PDE6B: variants seen among roughly 807,000 people sequenced by gnomAD.
The protein encoded by PDE6B is rod cGMP-specific 3',5'-cyclic phosphodiesterase subunit beta.
A neutral mutation model predicts 109.0 loss-of-function variants in PDE6B; 106 were observed. That is an observed-to-expected ratio of 0.97 (90% CI 0.83 to 1.14). PDE6B has a LOEUF of 1.14. PDE6B is among the 50% of genes most tolerant of loss of function. PDE6B has a pLI of 0.00. For synonymous variants in PDE6B, 490 were observed against 471.3 expected (o/e 1.04, Z -0.51); for missense variants, 1,193 against 1,155.6 (o/e 1.03, Z -0.47).
intron 3 of PDE6B, among the ~76,000 whole-genome samples, chr4:637,842 T>C (rs999530841): frequency 2.6e-5 from 4 of 152,238 alleles, no homozygotes; most frequent in African/African-American, 9.6e-5. Context: ...TTCTGGCTTC[T>C]TCCTCTTGCT....
rs746786132 is a variant in PDE6B, at chr4:654,173, G to C, written c.927+19G>C. On this transcript the variant is annotated intron_variant, in intron 5 of 21. Transcript: ENST00000496514. ...TGGCCGGGTGAGTCTTAGGGGAGGG[G>C]CCCAGGGCCTGTCCACACGCCTCTG... 4 of 1,605,044 alleles carry C rather than the reference G, an allele frequency of 2.5e-6. No homozygotes were observed. The South Asian group carries it at 3.3e-5, about 13-fold the overall frequency.
intron 1 of PDE6B, among the ~76,000 whole-genome samples, chr4:627,359 T>C (rs1485817352): frequency 6.6e-6 from 1 of 152,168 alleles, no homozygotes; most frequent in Non-Finnish European, 1.5e-5. Flanking sequence ...TTGGTCAGGC[T>C]GTTCTCGAAC....
chr4:651,478 AGACT>A (rs1735546654), intron 3 of PDE6B: 1 of 152,964 alleles, frequency 6.5e-6, no homozygotes, highest in Admixed American at 6.5e-5. Flanking sequence ...GGCAGGAGAC[AGACT>A]GAGTGTGGGA....
rs530695084 is a variant in PDE6B, at chr4:634,672, G to C, written c.469-5G>C. The C allele has an allele frequency of 6.2e-7, 1 of 1,611,594 alleles. No homozygotes were observed. Among genetic ancestry groups the C allele is most frequent in the South Asian group, 1.1e-5 (1 of 91,020 alleles). ...CTCTTTAGCCTCTTTCCTCTCTTGC[G>C]GCAGTGCCCTCACTTCAGCTCATTT... On this transcript the variant is annotated splice_polypyrimidine_tract_variant and splice_region_variant and intron_variant, in intron 1 of 21. Coordinates refer to ENST00000496514, the MANE Select transcript of PDE6B (RefSeq NM_000283.4).
chr4:664,964 C>A lies in PDE6B; in HGVS notation c.2193+20C>A. Reference sequence around the variant, plus strand: ...AGCAAGGTTAGAACAGAGGGCCCTCCAGACCCAGAGTCAGTGCCTCTCAGC... The same window carrying A: ...AGCAAGGTTAGAACAGAGGGCCCTCAAGACCCAGAGTCAGTGCCTCTCAGC... On this transcript the variant is annotated intron_variant, in intron 18 of 21. Coordinates refer to ENST00000496514, the MANE Select transcript of PDE6B (RefSeq NM_000283.4). The A allele has an allele frequency of 6.3e-7, 1 of 1,593,674 alleles. No homozygotes were observed. The highest frequency in any genetic ancestry group is 8.6e-7 in the Non-Finnish European group (1 of 1,162,246).
At position 662,329 on chromosome 4, in the gene PDE6B, T is replaced by C; in HGVS notation, c.1722+88T>C. 1 of 857,566 alleles carries C rather than the reference T, an allele frequency of 1.2e-6. No homozygotes were observed. The highest frequency in any genetic ancestry group is 1.9e-6 in the Non-Finnish European group (1 of 517,316). The allele number at this position is 857,566 out of a possible 1,614,324, so 53.1% of individuals were successfully genotyped here. On this transcript the variant is annotated intron_variant, in intron 13 of 21. Transcript: ENST00000496514. The surrounding 1 kb of genome is among the most constrained non-coding windows in gnomAD (Gnocchi z 4.3). Reference sequence around the variant, plus strand: ...AGCACCCCGAGGGATGAGATGGGGGTCCTCCCAGGGCAGAAGGATGGAGGA... The same window carrying C: ...AGCACCCCGAGGGATGAGATGGGGGCCCTCCCAGGGCAGAAGGATGGAGGA...
chr4:653,344 C>T, intron 3 of PDE6B: 2 of 1,084,768 alleles, frequency 1.8e-6, no homozygotes, highest in Non-Finnish European at 2.3e-6. Flanking sequence ...GGTGGCAGCG[C>T]TGACCCAGCA....
In PDE6B at chr4:666,735, A is replaced by C; in HGVS notation, c.2352+121A>C. 1 of 727,498 alleles carries C rather than the reference A, an allele frequency of 1.4e-6. No homozygotes were observed. Among genetic ancestry groups the C allele is most frequent in the East Asian group, 2.7e-5 (1 of 37,350 alleles). 45.1% of individuals were successfully genotyped at this position (727,498 alleles called of 1,614,324 possible). The stretch of plus-strand genomic sequence containing the variant: ...CGGCGGTGTCCTCACTGGAGTAGGG[A>C]TGCCAGTGCCAGCTTCGTGCCGCTC... On this transcript the variant is annotated intron_variant, in intron 20 of 21. Coordinates refer to ENST00000496514, the MANE Select transcript of PDE6B (RefSeq NM_000283.4). This position sits in a 1 kb window ranked among gnomAD's most constrained non-coding sequence, Gnocchi z 5.6.
intron 3 of PDE6B, among the ~76,000 whole-genome samples, chr4:638,130 A>C (rs1734782964): frequency 6.6e-6 from 1 of 152,134 alleles, no homozygotes; most frequent in Admixed American, 6.6e-5. Context: ...GTGGAACTGT[A>C]GTCTGATGGG....
chr4:658,817 C>T (rs1278946360), intron 10 of PDE6B, 135 bp from the exon 11 acceptor site: 10 of 710,326 alleles, frequency 1.4e-5, no homozygotes, highest in East Asian at 1.4e-4. Context: ...GATCAGAGGC[C>T]GCCAGGGCCT....
At chr4:649,700 G>A (rs572135810) in intron 3 of PDE6B, among the ~76,000 whole-genome samples, 7 of 152,110 alleles carry the variant, frequency 4.6e-5, no homozygotes, top group East Asian at 3.9e-4. Flanking sequence ...TTGGGACCGC[G>A]TAGGCCTGAG....
intron 3 of PDE6B, among the ~76,000 whole-genome samples, chr4:641,105 A>T (rs1051582811): frequency 6.6e-6 from 1 of 152,238 alleles, no homozygotes; most frequent in Non-Finnish European, 1.5e-5. Context: ...GGACTGTATT[A>T]AATCTGTAGA....
At chr4:657,151 G>T in intron 9 of PDE6B, 128 bp downstream of exon 9, 1 of 1,197,144 alleles carries the variant, frequency 8.4e-7, no homozygotes, top group Non-Finnish European at 1.2e-6. Context: ...GTATGCATGC[G>T]GCCAGGGAGA....
In PDE6B at chr4:625,713, T is replaced by C; in HGVS notation, c.87T>C (p.Pro29=). The part of the protein sequence containing the change: ...ARQYFGKKLS[P]ENVAAACEDG... ...AGTACTTTGGGAAGAAACTGAGCCC[T>C]GAGAATGTGGCCGCGGCCTGCGAGG... is the stretch of plus-strand genomic sequence containing the variant. Residue 29 remains proline, a synonymous_variant, in exon 1 of 22, where the codon CCT becomes CCC. Transcript: ENST00000496514. This position sits in a 1 kb window ranked among gnomAD's most constrained non-coding sequence, Gnocchi z 5.0. 6.2e-7 allele frequency: 1 copy of C among 1,613,774 alleles called. No homozygotes were observed. The highest frequency in any genetic ancestry group is 8.5e-7 in the Non-Finnish European group (1 of 1,179,940).
chr4:656,404 G>A, intron 8 of PDE6B, 112 bp downstream of exon 8: 1 of 799,614 alleles, frequency 1.3e-6, no homozygotes, highest in Admixed American at 1.7e-5. Context: ...CTTCAGCCAG[G>A]CATGGTGGCT....
rs931942708 is a variant in PDE6B at position 665,167 on chromosome 4, G to C, written c.2194-88G>C. On this transcript the variant is annotated intron_variant, in intron 18 of 21. Transcript: ENST00000496514. The surrounding 1 kb of genome is among the most constrained non-coding windows in gnomAD (Gnocchi z 4.0). ...GACCCCGGGGGTCTGGGGCGGAGAA[G>C]ACCGAGGCTCGGAGCCTCACGGGGC... The C allele has an allele frequency of 3.8e-6, 4 of 1,042,772 alleles. No homozygotes were observed. Among genetic ancestry groups the C allele is most frequent in the Non-Finnish European group, 4.5e-6 (3 of 670,546 alleles). The allele number at this position is 1,042,772 out of a possible 1,614,324, so 64.6% of individuals were successfully genotyped here. A position where few individuals can be genotyped will look rare whatever the true frequency, so the allele number is the denominator to read the frequency against.
intron 1 of PDE6B, among the ~76,000 whole-genome samples, chr4:631,865 T>C (rs1734403772): frequency 6.6e-6 from 1 of 151,610 alleles, no homozygotes; most frequent in Admixed American, 6.6e-5. Context: ...TCACGTTGTG[T>C]GGATCTGTGT....
intron 1 of PDE6B, among the ~76,000 whole-genome samples, chr4:634,018 C>T (rs929814230): frequency 2.4e-4 from 37 of 151,818 alleles, no homozygotes; most frequent in Non-Finnish European, 1.5e-4. Flanking sequence ...GTGGGTACCC[C>T]CTGGGAGCCA....
intron 20 of PDE6B, 54 bp from the exon 21 acceptor site, chr4:667,802 C>T (rs944219134): frequency 1.9e-6 from 3 of 1,584,008 alleles, no homozygotes; most frequent in African/African-American, 2.7e-5. Flanking sequence ...GGCTATCTTA[C>T]TCTGGAGAGA....
Sources: gnomAD v4.1 joint callset for allele counts (sites outside exome capture counted in the v4.1 genomes callset) on GRCh38, gnomAD v4.1.1 for gene constraint, Gnocchi (gnomAD v3.1) non-coding constraint, MANE v1.5 for transcripts, NCBI Gene and HGNC (gene_info 2026-07-23, HGNC 2026-07-21) for gene names.